Variants in RAB3IL1 observed in about 807,000 individuals in gnomAD.
RAB3IL1 encodes RAB3A interacting protein like 1.
Under a neutral mutation model 49.2 loss-of-function variants are expected in RAB3IL1, and 37 were observed. That is an observed-to-expected ratio of 0.75 (90% confidence interval 0.58 to 0.99). The LOEUF is 0.99. RAB3IL1 is among the 50% of genes least tolerant of loss of function. RAB3IL1 has a pLI of 0.00. For missense variants in RAB3IL1, 484 were observed against 513.0 expected (o/e 0.94, Z 0.55); for synonymous variants, 193 against 213.9 (o/e 0.90, Z 0.85).
At chr11:61,907,237 A>ACCCTT (rs957531512) in intron 4 of RAB3IL1, among the ~76,000 whole-genome samples, 156 bp downstream of exon 4, 1 of 151,576 alleles carries the variant, frequency 6.6e-6, no homozygotes, top group Non-Finnish European at 1.5e-5. Flanking sequence ...TCAGACCCCC[A>ACCCTT]CCCTTCCCTT....
the RAB3IL1 span, among the ~76,000 whole-genome samples, chr11:61,934,438 G>GTGTGTGTGTGTA: frequency 0.015 from 280 of 18,368 alleles, 5 homozygotes; most frequent in Non-Finnish European, 0.028. Flanking sequence ...GTGTGTGTGT[G>GTGTGTGTGTGTA]TGTGTGTGTA....
intron 1 of RAB3IL1, among the ~76,000 whole-genome samples, chr11:61,910,818 G>A (rs1939423391): frequency 6.6e-6 from 1 of 152,254 alleles, no homozygotes; most frequent in Non-Finnish European, 1.5e-5. Flanking sequence ...TCCTCAGGTA[G>A]GACAGGATGG....
the RAB3IL1 span, among the ~76,000 whole-genome samples, chr11:61,940,333 C>T: frequency 5.3e-5 from 8 of 150,446 alleles, no homozygotes; most frequent in Non-Finnish European, 8.9e-5. Flanking sequence ...CCCAGCTACC[C>T]GGGAGGCTGA....
At chr11:61,934,674 C>A in the RAB3IL1 span, among the ~76,000 whole-genome samples, 1 of 151,442 alleles carries the variant, frequency 6.6e-6, no homozygotes, top group Non-Finnish European at 1.5e-5. Flanking sequence ...CCACCTCTAC[C>A]TGATCTTCAG....
At chr11:61,939,197 C>T in the RAB3IL1 span, among the ~76,000 whole-genome samples, 4 of 151,670 alleles carry the variant, frequency 2.6e-5, no homozygotes, top group African/African-American at 7.3e-5. Flanking sequence ...TTTCCAACCA[C>T]AAAGGAATGA....
intron 7 of RAB3IL1, among the ~76,000 whole-genome samples, chr11:61,903,590 C>T (rs1251787362): frequency 3.3e-5 from 5 of 151,572 alleles, no homozygotes; most frequent in African/African-American, 1.2e-4. Flanking sequence ...GTGGTGCAAT[C>T]TCAGCTCACC....
At chr11:61,945,118 C>T in the RAB3IL1 span, among the ~76,000 whole-genome samples, 2 of 152,168 alleles carry the variant, frequency 1.3e-5, no homozygotes, top group African/African-American at 4.8e-5. Context: ...GGCAGCCTGC[C>T]GTCAGCCCAT....
Position 61,904,798 on chromosome 11 carries a change from A to G in RAB3IL1, c.742T>C (p.Tyr248His). 1.2e-6 allele frequency: 2 copies of G among 1,611,250 alleles called. No homozygotes were observed. Among genetic ancestry groups the G allele is most frequent in the Non-Finnish European group, 1.7e-6 (2 of 1,179,226 alleles). Residue 248 changes from tyrosine to histidine, a missense_variant, in exon 6 of 10, where the codon TAC becomes CAC. By Grantham distance (83) the Tyr-to-His change is moderately conservative. Coordinates refer to ENST00000394836, the MANE Select transcript of RAB3IL1 (RefSeq NM_013401.4). ...AGGCAGGGGCCCACGTCCTCTCGGT[A>G]CACCCTTTCCAGGAAGGGGCAGGTC... The part of the protein sequence containing the change: ...DKTCPFLERV[Y>H]REDVGPCLDF...
the RAB3IL1 span, among the ~76,000 whole-genome samples, chr11:61,932,901 T>C: frequency 1.3e-5 from 2 of 151,690 alleles, no homozygotes; most frequent in African/African-American, 4.8e-5. Context: ...CTCCTGAGTA[T>C]CTAGGATTAC....
chr11:61,920,368 T>G (rs1266665228), upstream of RAB3IL1: 8 of 812,192 alleles, frequency 9.8e-6, no homozygotes, highest in South Asian at 6.6e-5. Flanking sequence ...AACCCCGTAA[T>G]TATTAACTCC....
At chr11:61,926,751 C>T in the RAB3IL1 span, among the ~76,000 whole-genome samples, 9 of 152,040 alleles carry the variant, frequency 5.9e-5, no homozygotes, top group East Asian at 1.9e-4. Flanking sequence ...ATGGGGGTTT[C>T]ACCATGTTGG....
At chr11:61,933,662 G>A in the RAB3IL1 span, among the ~76,000 whole-genome samples, 1 of 152,108 alleles carries the variant, frequency 6.6e-6, no homozygotes, top group Non-Finnish European at 1.5e-5. Flanking sequence ...GAGTAGAGAC[G>A]AAGAATTTTG....
At chr11:61,928,783 T>G in the RAB3IL1 span, among the ~76,000 whole-genome samples, 1 of 152,214 alleles carries the variant, frequency 6.6e-6, no homozygotes, top group South Asian at 2.1e-4. Flanking sequence ...AATTTAGATA[T>G]GAAGGATTCC....
At chr11:61,933,547 G>T in the RAB3IL1 span, among the ~76,000 whole-genome samples, 1 of 152,116 alleles carries the variant, frequency 6.6e-6, no homozygotes, top group South Asian at 2.1e-4. Context: ...GTGATAATTT[G>T]TTACAATTAT....
Position 61,902,336 on chromosome 11 carries a change from G to A in RAB3IL1, c.999+106C>T, listed in dbSNP as rs1181224156. 5.4e-6 allele frequency: 5 copies of A among 917,878 alleles called. No individual in the cohort carries two copies. In the Admixed American group the frequency reaches 8.1e-5, roughly 15 times the overall value. 56.9% of individuals were successfully genotyped at this position (917,878 alleles called of 1,614,324 possible). The stretch of plus-strand genomic sequence containing the variant: ...CTCAAAAAATAAATAAATAAAATAA[G>A]TAAATCAAGGTGTAGTGCTATTCAT... On this transcript the variant is annotated intron_variant, in intron 8 of 9. Coordinates refer to ENST00000394836, the MANE Select transcript of RAB3IL1 (RefSeq NM_013401.4).
At chr11:61,934,489 T>C in the RAB3IL1 span, among the ~76,000 whole-genome samples, 127 of 129,884 alleles carry the variant, frequency 9.8e-4, 4 homozygotes, top group African/African-American at 3.4e-3. Flanking sequence ...TATATATATA[T>C]ATATATTCTA....
chr11:61,908,333 G>T, intron 1 of RAB3IL1, 27 bp from the exon 2 acceptor site: 1 of 1,442,108 alleles, frequency 6.9e-7, no homozygotes, highest in Non-Finnish European at 9.1e-7. Flanking sequence ...GTATCAGCAG[G>T]TTCAGGGTGG....
upstream of RAB3IL1, among the ~76,000 whole-genome samples, chr11:61,920,633 T>G (rs1200974085): frequency 1.3e-5 from 2 of 152,210 alleles, no homozygotes; most frequent in African/African-American, 4.8e-5. Context: ...CCCTTAAAAC[T>G]TTGTTATTGG....
chr11:61,945,811 C>T, the RAB3IL1 span: 1 of 985,316 alleles, frequency 1.0e-6, no homozygotes, highest in Non-Finnish European at 1.2e-6. Context: ...TGGGGGACCT[C>T]GCAGCACAGT....
Sources: allele counts gnomAD v4.1 joint callset (sites outside exome capture counted in the v4.1 genomes callset), GRCh38; gene constraint gnomAD v4.1.1; transcripts MANE v1.5; gene names NCBI Gene and HGNC (gene_info 2026-07-23, HGNC 2026-07-21).